CCSER1: variants seen among roughly 807,000 people sequenced by gnomAD.
CCSER1 encodes coiled-coil serine rich protein 1.
In CCSER1, 41 loss-of-function variants were observed where a neutral mutation model predicts 82.0. The observed-to-expected ratio is 0.50, with a 90% confidence interval of 0.39 to 0.65. CCSER1 has a LOEUF of 0.65. Among genes scored for constraint, CCSER1 ranks in the 30% least tolerant of loss-of-function variants. The pLI, the probability that CCSER1 is intolerant of heterozygous loss-of-function variation, is 0.00. For synonymous variants in CCSER1, 414 were observed against 383.9 expected (o/e 1.08, Z -0.92); for missense variants, 1,119 against 1,064.2 (o/e 1.05, Z -0.72).
intron 4 of CCSER1, among the ~76,000 whole-genome samples, chr4:90,448,654 T>C (rs1335231174): frequency 3.3e-5 from 5 of 151,732 alleles, no homozygotes; most frequent in African/African-American, 1.2e-4. Context: ...TCTGTATCAT[T>C]TAGGTACCAA....
intron 10 of CCSER1, among the ~76,000 whole-genome samples, chr4:91,355,513 C>T (rs897619960): frequency 6.6e-6 from 1 of 152,074 alleles, no homozygotes; most frequent in Non-Finnish European, 1.5e-5. Flanking sequence ...TCCTGGTACA[C>T]TTATAATAAC....
chr4:91,084,304 A>G (rs1723135171), intron 9 of CCSER1, among the ~76,000 whole-genome samples: 1 of 152,168 alleles, frequency 6.6e-6, no homozygotes, highest in Non-Finnish European at 1.5e-5. Context: ...AGAAGAGAAG[A>G]CAGTAATTAC....
chr4:90,988,549 GT>G (rs1374401517), intron 9 of CCSER1, among the ~76,000 whole-genome samples: 4 of 151,470 alleles, frequency 2.6e-5, no homozygotes, highest in African/African-American at 9.7e-5. Flanking sequence ...TAATCATCAT[GT>G]TTTTATCTGA....
intron 10 of CCSER1, among the ~76,000 whole-genome samples, chr4:91,343,656 T>G (rs1405240484): frequency 6.6e-6 from 1 of 152,132 alleles, no homozygotes; most frequent in Non-Finnish European, 1.5e-5. Context: ...TTTCTTGAGA[T>G]AGAATTTTTA....
chr4:90,562,076 G>T (rs909114968), intron 5 of CCSER1, among the ~76,000 whole-genome samples: 1 of 151,344 alleles, frequency 6.6e-6, no homozygotes, highest in African/African-American at 2.4e-5. Context: ...TGTAATACCA[G>T]CTACTCAGGA....
At position 91,188,800 on chromosome 4, in the gene CCSER1, C is replaced by A. The variant is rs1581739684; in HGVS notation, c.2217+102806C>A. ...TCATACTGAGAAAATGTAGACATAGCAAAATGTTAACTGGGCTATATGCCT... is the reference window on the plus strand; with the variant it reads ...TCATACTGAGAAAATGTAGACATAGAAAAATGTTAACTGGGCTATATGCCT... On this transcript the variant is annotated intron_variant, in intron 10 of 10. Transcript: ENST00000509176. Among the ~76,000 whole-genome samples, 3 of 152,154 alleles carry A rather than the reference C, an allele frequency of 2.0e-5. No individual in the cohort carries two copies. The East Asian group carries it at 5.8e-4, about 29-fold the overall frequency.
intron 4 of CCSER1, among the ~76,000 whole-genome samples, chr4:90,406,043 T>G (rs1369374925): frequency 6.6e-6 from 1 of 152,114 alleles, no homozygotes; most frequent in African/African-American, 2.4e-5. Context: ...ATAGCCTAAA[T>G]GCTCCACTGA....
intron 7 of CCSER1, chr4:90,727,325 A>G (rs1743843936): frequency 2.2e-6 from 1 of 455,134 alleles, no homozygotes; most frequent in African/African-American, 2.0e-5. Flanking sequence ...TCAAACATCA[A>G]CAACAGAATC....
chr4:90,153,026 C>A, intron 1 of CCSER1, among the ~76,000 whole-genome samples: 1 of 99,558 alleles, frequency 1.0e-5, no homozygotes. Flanking sequence ...CTAATGCTAT[C>A]CCTCCCCCCT....
At chr4:90,590,099 C>A (rs928997807) in intron 5 of CCSER1, among the ~76,000 whole-genome samples, 3 of 152,062 alleles carry the variant, frequency 2.0e-5, no homozygotes, top group Admixed American at 1.3e-4. Context: ...CCTGGAGAAA[C>A]CCTGTCTCTA....
chr4:90,621,253 G>A (rs959374062), intron 5 of CCSER1, among the ~76,000 whole-genome samples: 1 of 152,098 alleles, frequency 6.6e-6, no homozygotes. Context: ...TTTTGCCAGG[G>A]AGGAAATGTT....
At chr4:90,704,286 A>G (rs1377273966) in intron 6 of CCSER1, among the ~76,000 whole-genome samples, 2 of 152,160 alleles carry the variant, frequency 1.3e-5, no homozygotes, top group Non-Finnish European at 2.9e-5. Flanking sequence ...TTCTTTTAGA[A>G]TGTTGAATAT....
chr4:90,179,203 A>G (rs1733253976), intron 1 of CCSER1, among the ~76,000 whole-genome samples: 1 of 151,978 alleles, frequency 6.6e-6, no homozygotes, highest in South Asian at 2.1e-4. Context: ...TAATTGAGTG[A>G]AAGCTCTTGA....
chr4:91,007,060 A>C (rs1315831893), intron 9 of CCSER1, among the ~76,000 whole-genome samples: 3 of 152,176 alleles, frequency 2.0e-5, no homozygotes, highest in Non-Finnish European at 2.9e-5. Flanking sequence ...TTATTCTGTT[A>C]ATGTGATGAG....
intron 10 of CCSER1, among the ~76,000 whole-genome samples, chr4:91,515,127 T>A (rs190127727): frequency 2.0e-5 from 3 of 152,184 alleles, no homozygotes; most frequent in African/African-American, 7.2e-5. Context: ...TTCACCCTAT[T>A]ATTTTAAAAC....
intron 10 of CCSER1, among the ~76,000 whole-genome samples, chr4:91,327,118 C>T (rs1746623211): frequency 6.6e-6 from 1 of 152,208 alleles, no homozygotes; most frequent in Admixed American, 6.5e-5. Context: ...CACAGCTTCA[C>T]TAATCAGTGC....
rs142029791 is a variant in CCSER1, at chr4:90,671,536, T to C, written c.1932+43304T>C. ...ATTACAGAAATTCAGTCACATCTAA[T>C]TCTGGTTCTTTTGTTATATTTCCAT... On this transcript the variant is annotated intron_variant, in intron 6 of 10. Coordinates refer to ENST00000509176, the MANE Select transcript of CCSER1 (RefSeq NM_001145065.2). Among the ~76,000 whole-genome samples the C allele has an allele frequency of 3.9e-3, 596 of 152,164 alleles. 4 individuals carry two copies. Among genetic ancestry groups the C allele is most frequent in the African/African-American group, 0.014 (570 of 41,558 alleles).
chr4:90,391,821 T>A (rs1020047065), intron 3 of CCSER1, among the ~76,000 whole-genome samples: 1 of 151,736 alleles, frequency 6.6e-6, no homozygotes, highest in African/African-American at 2.4e-5. Flanking sequence ...TTTCCCAGAT[T>A]TTTTTTATAT....
At chr4:90,483,056 C>G (rs918121380) in intron 5 of CCSER1, among the ~76,000 whole-genome samples, 2 of 152,128 alleles carry the variant, frequency 1.3e-5, no homozygotes, top group Non-Finnish European at 2.9e-5. Flanking sequence ...CTGAGTGCTC[C>G]TGTATTGGGT....
Sources: allele counts gnomAD v4.1 joint callset (sites outside exome capture counted in the v4.1 genomes callset), GRCh38; gene constraint gnomAD v4.1.1; transcripts MANE v1.5; gene names NCBI Gene and HGNC (gene_info 2026-07-23, HGNC 2026-07-21).